The following CNIH3 variants were observed in gnomAD, a reference collection of about 807,000 sequenced individuals.
CNIH3 encodes cornichon family AMPA receptor auxiliary protein 3.
CNIH3 carries 14 observed loss-of-function variants against 24.1 expected under a neutral mutation model. The ratio of observed to expected loss-of-function variants is 0.58; its 90% confidence interval spans 0.38 to 0.91. The LOEUF is 0.91. Ranked by LOEUF, CNIH3 falls within the 40% of genes least tolerant of loss-of-function variation. The probability of loss-of-function intolerance (pLI) is 0.00; values close to 1 mark genes in which losing one functional copy is unlikely to be tolerated. For missense variants in CNIH3, 178 were observed against 196.8 expected, an observed-to-expected ratio of 0.90 and a Z score of 0.57; for synonymous variants, 68 against 73.8, an observed-to-expected ratio of 0.92 and a Z score of 0.40.
intron 1 of CNIH3, among the ~76,000 whole-genome samples, chr1:224,466,521 G>T (rs1446511239): frequency 6.6e-6 from 1 of 152,146 alleles, no homozygotes; most frequent in Admixed American, 6.5e-5. Context: ...CATTTGGGTG[G>T]TATCTAGTTC....
chr1:224,629,940 C>G (rs1683736757), intron 1 of CNIH3, among the ~76,000 whole-genome samples: 1 of 152,112 alleles, frequency 6.6e-6, no homozygotes, highest in Non-Finnish European at 1.5e-5. Context: ...AATCTTTATT[C>G]AAGGTTTTGC....
At chr1:224,553,176 A>T (rs960102967) in intron 3 of CNIH3, among the ~76,000 whole-genome samples, 38 of 149,314 alleles carry the variant, frequency 2.5e-4, no homozygotes, top group Middle Eastern at 3.5e-3. Flanking sequence ...TCTCCCTTAG[A>T]TATCATGAAT....
At chr1:224,682,727 T>C (rs759438091) in intron 2 of CNIH3, among the ~76,000 whole-genome samples, 13 of 152,214 alleles carry the variant, frequency 8.5e-5, no homozygotes, top group Non-Finnish European at 1.8e-4. Context: ...ATCTACCAGG[T>C]GCAGTGAGCG....
At chr1:224,498,982 G>C (rs552320369) in intron 1 of CNIH3, among the ~76,000 whole-genome samples, 11 of 152,330 alleles carry the variant, frequency 7.2e-5, no homozygotes, top group African/African-American at 2.6e-4. Flanking sequence ...TAGCACACCA[G>C]TAGCTCCCCA....
downstream of CNIH3, among the ~76,000 whole-genome samples, chr1:224,589,999 C>T (rs958492784): frequency 1.7e-4 from 26 of 152,280 alleles, no homozygotes; most frequent in African/African-American, 6.3e-4. Flanking sequence ...GCCTCAGCCT[C>T]CCCTGTAGAT....
At chr1:224,471,661 G>A (rs1027018220) in intron 1 of CNIH3, among the ~76,000 whole-genome samples, 30 of 151,710 alleles carry the variant, frequency 2.0e-4, no homozygotes, top group Admixed American at 1.6e-3. Context: ...CGTGATCTCG[G>A]CTCACCGCAA....
intron 1 of CNIH3, among the ~76,000 whole-genome samples, chr1:224,629,441 C>T (rs1165789051): frequency 1.3e-5 from 2 of 152,154 alleles, no homozygotes; most frequent in African/African-American, 2.4e-5. Context: ...CCACGGCACT[C>T]ATATTTGGCT....
At chr1:224,508,410 G>A (rs957220178) in intron 1 of CNIH3, among the ~76,000 whole-genome samples, 9 of 152,196 alleles carry the variant, frequency 5.9e-5, no homozygotes, top group African/African-American at 2.2e-4. Flanking sequence ...GTATTTGTCT[G>A]TGTCTTAATT....
chr1:224,671,639 C>A (rs1447900923), intron 1 of CNIH3, among the ~76,000 whole-genome samples: 1 of 152,232 alleles, frequency 6.6e-6, no homozygotes, highest in Non-Finnish European at 1.5e-5. Context: ...GGTGTCACAT[C>A]ATTTGGGATA....
At chr1:224,508,273 C>A (rs1358742208) in intron 1 of CNIH3, among the ~76,000 whole-genome samples, 1 of 152,170 alleles carries the variant, frequency 6.6e-6, no homozygotes, top group Non-Finnish European at 1.5e-5. Context: ...AGATGTGGGC[C>A]TTTTCAAACT....
chr1:224,623,330 C>T (rs550477313), intron 1 of CNIH3, among the ~76,000 whole-genome samples: 94 of 152,198 alleles, frequency 6.2e-4, no homozygotes, highest in Non-Finnish European at 1.1e-3. Flanking sequence ...TCCACTGCTG[C>T]GTCCTCTGTT....
intron 1 of CNIH3, among the ~76,000 whole-genome samples, chr1:224,452,073 T>C (rs1178177447): frequency 6.6e-6 from 1 of 152,212 alleles, no homozygotes; most frequent in Non-Finnish European, 1.5e-5. Context: ...ATTTTTACTT[T>C]TGAAATTCCT....
intron 3 of CNIH3, among the ~76,000 whole-genome samples, chr1:224,720,531 C>G (rs1340095586): frequency 6.6e-6 from 1 of 152,082 alleles, no homozygotes; most frequent in African/African-American, 2.4e-5. Flanking sequence ...TTGCTCTGGG[C>G]TGGGTGGGCA....
At chr1:224,736,407 T>A (rs1233078063) in intron 5 of CNIH3, among the ~76,000 whole-genome samples, 2 of 152,242 alleles carry the variant, frequency 1.3e-5, no homozygotes, top group African/African-American at 4.8e-5. Flanking sequence ...ATTACAGGCG[T>A]GAGCCACCGT....
chr1:224,689,405 A>G (rs1686819588), intron 3 of CNIH3, among the ~76,000 whole-genome samples: 1 of 152,330 alleles, frequency 6.6e-6, no homozygotes, highest in Admixed American at 6.5e-5. Flanking sequence ...GCCAGCCGAG[A>G]TAATCCTTGG....
At chr1:224,502,905 G>A (rs1417997511) in intron 1 of CNIH3, among the ~76,000 whole-genome samples, 1 of 152,160 alleles carries the variant, frequency 6.6e-6, no homozygotes, top group African/African-American at 2.4e-5. Flanking sequence ...TTGAAAGCCT[G>A]TGAGTTGACA....
intron 1 of CNIH3, among the ~76,000 whole-genome samples, chr1:224,496,559 T>A (rs1387727314): frequency 1.3e-5 from 2 of 152,160 alleles, no homozygotes; most frequent in Non-Finnish European, 2.9e-5. Flanking sequence ...GGCCAGATGG[T>A]CCCTGAATCA....
intron 1 of CNIH3, among the ~76,000 whole-genome samples, chr1:224,460,385 C>T (rs563184660): frequency 7.2e-5 from 11 of 152,334 alleles, no homozygotes; most frequent in African/African-American, 2.4e-4. Context: ...CCTCTTCCCC[C>T]TGAGAAAACC....
chr1:224,642,867 G>C (rs1684426013), intron 1 of CNIH3, among the ~76,000 whole-genome samples: 1 of 152,226 alleles, frequency 6.6e-6, no homozygotes, highest in African/African-American at 2.4e-5. Flanking sequence ...TAAGATGCGA[G>C]AGAGCTAGGC....
Sources: gnomAD v4.1 joint callset for allele counts (sites outside exome capture counted in the v4.1 genomes callset) on GRCh38, gnomAD v4.1.1 for gene constraint, MANE v1.5 for transcripts, NCBI Gene and HGNC (gene_info 2026-07-23, HGNC 2026-07-21) for gene names.